Variants in TTLL7 observed in about 807,000 individuals in gnomAD.
TTLL7 encodes tubulin tyrosine ligase like 7, also known as tubulin polyglutamylase TTLL7.
A neutral mutation model predicts 120.2 loss-of-function variants in TTLL7; 53 were observed. The observed-to-expected ratio is 0.44, with a 90% CI of 0.35 to 0.55. TTLL7 has a LOEUF of 0.55. TTLL7 is among the 20% of genes least tolerant of loss of function. TTLL7 has a pLI of 0.00. For synonymous variants in TTLL7, 353 were observed against 351.7 expected, an observed-to-expected ratio of 1.00 and a Z score of -0.04; for missense variants, 803 against 1,054.7, an observed-to-expected ratio of 0.76 and a Z score of 3.31.
chr1:83,977,649 G>A (rs1462423199), intron 1 of TTLL7, among the ~76,000 whole-genome samples: 1 of 152,048 alleles, frequency 6.6e-6, no homozygotes, highest in Admixed American at 6.6e-5. Context: ...TCCAAAGTAG[G>A]TAAAGAATTG....
intron 20 of TTLL7, among the ~76,000 whole-genome samples, chr1:83,870,597 G>A (rs943419882): frequency 5.9e-5 from 9 of 152,072 alleles, no homozygotes; most frequent in Non-Finnish European, 2.9e-5. Context: ...TGACCATAGA[G>A]TGCTCATGAT....
At chr1:83,991,567 C>A (rs903528338) in intron 1 of TTLL7, among the ~76,000 whole-genome samples, 1 of 151,964 alleles carries the variant, frequency 6.6e-6, no homozygotes, top group Non-Finnish European at 1.5e-5. Context: ...TCGCTTGAGC[C>A]CAGGAATTTA....
intron 20 of TTLL7, among the ~76,000 whole-genome samples, chr1:83,882,335 A>T (rs1654586020): frequency 6.6e-6 from 1 of 151,530 alleles, no homozygotes; most frequent in African/African-American, 2.4e-5. Context: ...AAATACTAAA[A>T]CTAAAGTTAT....
chr1:83,897,877 A>C (rs1656385150), intron 18 of TTLL7, among the ~76,000 whole-genome samples: 1 of 151,492 alleles, frequency 6.6e-6, no homozygotes, highest in Non-Finnish European at 1.5e-5. Context: ...AAAAAAAAAA[A>C]AAAAAAAACT....
chr1:83,969,134 G>A (rs976063895), intron 1 of TTLL7, among the ~76,000 whole-genome samples: 1 of 151,780 alleles, frequency 6.6e-6, no homozygotes, highest in African/African-American at 2.4e-5. Context: ...TCAGTATTTT[G>A]TGGTTACATT....
chr1:83,900,385 T>C (rs1163872448), intron 18 of TTLL7, among the ~76,000 whole-genome samples: 1 of 151,968 alleles, frequency 6.6e-6, no homozygotes, highest in East Asian at 1.9e-4. Context: ...AGGGAGATCA[T>C]AAGATAGCTG....
Position 83,951,881 on chromosome 1 carries a change from T to C in TTLL7, c.121A>G (p.Ile41Val), listed in dbSNP as rs1244868961. The change falls in exon 3 of 21, where the codon ATT becomes GTT. Residue 41 changes from isoleucine (I) to valine (V), a missense_variant. Around this residue, in one of 3 missense-constraint regions of TTLL7, gnomAD observed 91 missense variants for 96.6 expected, o/e 0.94. Coordinates refer to ENST00000260505, the MANE Select transcript of TTLL7 (RefSeq NM_024686.6). ...KVRKKKKKGT[I>V]TANVAGTKFE... ...TTTGTCCCGGCAACATTTGCTGTAA[T>C]GGTTCCCTTCTTTTTCTTCTTTCTG... is the stretch of plus-strand genomic sequence containing the variant. 3 of 1,613,396 alleles carry C rather than the reference T, an allele frequency of 1.9e-6. No homozygotes were observed. Among genetic ancestry groups the C allele is most frequent in the Non-Finnish European group, 2.5e-6 (3 of 1,179,748 alleles).
intron 6 of TTLL7, among the ~76,000 whole-genome samples, chr1:83,946,735 G>T (rs911345104): frequency 2.6e-5 from 4 of 152,092 alleles, no homozygotes; most frequent in African/African-American, 9.7e-5. Context: ...GCTATGAAAA[G>T]AATAACTCCC....
At chr1:83,952,548 G>GAT (rs2100864606) in intron 1 of TTLL7, among the ~76,000 whole-genome samples, 161 bp from the exon 2 acceptor site, 1 of 152,234 alleles carries the variant, frequency 6.6e-6, no homozygotes, top group South Asian at 2.1e-4. Context: ...AATGCCAAGT[G>GAT]ATGCTTTCCT....
intron 10 of TTLL7, among the ~76,000 whole-genome samples, chr1:83,925,537 A>G (rs1659038606): frequency 1.3e-5 from 2 of 152,210 alleles, no homozygotes; most frequent in Admixed American, 6.5e-5. Flanking sequence ...CAGGAGAAAG[A>G]TAAGAAGTTT....
chr1:83,985,720 A>T (rs982859866), intron 1 of TTLL7, among the ~76,000 whole-genome samples: 11 of 152,290 alleles, frequency 7.2e-5, no homozygotes, highest in Middle Eastern at 3.4e-3. Flanking sequence ...CAAAAATTTT[A>T]AAAAACCTAT....
chr1:83,926,272 G>A (rs982875214), intron 10 of TTLL7, among the ~76,000 whole-genome samples: 4 of 152,080 alleles, frequency 2.6e-5, no homozygotes, highest in African/African-American at 9.7e-5. Flanking sequence ...TTGAATTTAA[G>A]TGTTAACAGA....
intron 6 of TTLL7, among the ~76,000 whole-genome samples, chr1:83,943,096 G>C (rs1467291317): frequency 1.3e-5 from 2 of 152,144 alleles, no homozygotes; most frequent in Non-Finnish European, 2.9e-5. Flanking sequence ...CAAAGGGCTT[G>C]CTTTTAGCTT....
At chr1:83,895,499 T>G (rs1656131412) in intron 18 of TTLL7, among the ~76,000 whole-genome samples, 2 of 152,112 alleles carry the variant, frequency 1.3e-5, no homozygotes, top group South Asian at 4.1e-4. Flanking sequence ...ATATTATTAA[T>G]TCTGCAGGAA....
chr1:83,883,120 T>TAC lies in TTLL7; in HGVS notation c.2384_2385dup (p.Ile796ValfsTer10), dbSNP rs1462210509. The TAC allele has an allele frequency of 6.2e-7, 1 of 1,605,796 alleles. No individual in the cohort carries two copies. The highest frequency in any genetic ancestry group is 8.5e-7 in the Non-Finnish European group (1 of 1,176,528). Reference sequence around the variant, plus strand: ...ACCACCTCCGGGCTTTTATTGAATATACTCTCCCAAGAGGATCTGTTGGCA... The same window carrying TAC: ...ACCACCTCCGGGCTTTTATTGAATATACACTCTCCCAAGAGGATCTGTTGGCA... On this transcript the variant is annotated frameshift_variant, in exon 20 of 21. Coordinates refer to ENST00000260505, the MANE Select transcript of TTLL7 (RefSeq NM_024686.6). LOFTEE classifies it high-confidence loss of function.
chr1:83,910,688 G>C (rs1657603249), intron 15 of TTLL7, among the ~76,000 whole-genome samples: 1 of 151,964 alleles, frequency 6.6e-6, no homozygotes, highest in Admixed American at 6.6e-5. Flanking sequence ...AAATGGGAGG[G>C]AACAAAACTC....
intron 1 of TTLL7, among the ~76,000 whole-genome samples, chr1:83,981,810 G>A (rs1313840948): frequency 1.3e-5 from 2 of 148,672 alleles, no homozygotes; most frequent in East Asian, 3.9e-4. Flanking sequence ...CAGCCTGGGC[G>A]ACAGAGCGAG....
intron 9 of TTLL7, among the ~76,000 whole-genome samples, chr1:83,932,202 C>G (rs1449426443): frequency 6.6e-6 from 1 of 152,144 alleles, no homozygotes; most frequent in East Asian, 1.9e-4. Context: ...TCTATAAAGT[C>G]ATTATTTCCT....
rs1039716704 is a variant in TTLL7 at position 83,961,542 on chromosome 1, T to C, written c.-176-9155A>G. On this transcript the variant is annotated intron_variant, in intron 1 of 20. Transcript: ENST00000260505. ...AGCATACCTTCAAGGCATTTTCTCT[T>C]ATTAATATTTGTATTTCCAGTACCG... is the stretch of plus-strand genomic sequence containing the variant. Among the ~76,000 whole-genome samples, 4 of 152,120 alleles carry C rather than the reference T, an allele frequency of 2.6e-5. No homozygotes were observed. The East Asian group carries it at 7.7e-4, about 29-fold the overall frequency.
Sources: gnomAD v4.1 joint callset for allele counts (sites outside exome capture counted in the v4.1 genomes callset) on GRCh38, gnomAD v4.1.1 for gene constraint, gnomAD v4.1.1 regional missense constraint, MANE v1.5 for transcripts, NCBI Gene and HGNC (gene_info 2026-07-23, HGNC 2026-07-21) for gene names.